ZNF536: variants seen among roughly 807,000 people sequenced by gnomAD.
The protein encoded by ZNF536 is zinc finger protein 536.
Under a neutral mutation model 84.5 loss-of-function variants are expected in ZNF536, and 13 were observed. The ratio of observed to expected loss-of-function variants is 0.15; its 90% CI spans 0.10 to 0.24. ZNF536 has a LOEUF of 0.24. Among genes scored for constraint, ZNF536 ranks in the 10% least tolerant of loss-of-function variants. The pLI, the probability that ZNF536 is intolerant of heterozygous loss-of-function variation, is 1.00. For missense variants in ZNF536, 1,536 were observed against 1,747.5 expected, an observed-to-expected ratio of 0.88 and a Z score of 2.16; for synonymous variants, 811 against 742.5, an observed-to-expected ratio of 1.09 and a Z score of -1.50.
chr19:30,466,767 A>G lies in ZNF536; in HGVS notation c.2170+21035A>G, dbSNP rs377126272. On this transcript the variant is annotated intron_variant, in intron 2 of 4. Coordinates refer to ENST00000355537, the MANE Select transcript of ZNF536 (RefSeq NM_014717.3). ...AAGGAAGAAAGGAGGGAAGGAAGGAAGGAAGGAAGGAAGGAAGGAAGGAAG... is the reference window on the plus strand; with the variant it reads ...AAGGAAGAAAGGAGGGAAGGAAGGAGGGAAGGAAGGAAGGAAGGAAGGAAG... 4.7e-3 allele frequency among the ~76,000 whole-genome samples: 461 copies of G among 97,242 alleles called. 11 individuals carry two copies. The highest frequency in any genetic ancestry group is 0.021 in the African/African-American group (443 of 20,768). 63.8% of individuals were successfully genotyped at this position (97,242 alleles called of 152,430 possible). A position where few individuals can be genotyped will look rare whatever the true frequency, so the allele number is the denominator to read the frequency against.
At chr19:30,323,688 T>C (rs1159146093) in intron 2 of ZNF536, among the ~76,000 whole-genome samples, 4 of 152,206 alleles carry the variant, frequency 2.6e-5, no homozygotes, top group South Asian at 2.1e-4. Context: ...CCATCCTCCT[T>C]CTCATGGTTG....
intron 1 of ZNF536, among the ~76,000 whole-genome samples, chr19:30,661,636 A>C (rs950493441): frequency 2.6e-5 from 4 of 152,224 alleles, no homozygotes; most frequent in Non-Finnish European, 4.4e-5. Context: ...TAAGGATATT[A>C]ATCAACACAT....
intron 2 of ZNF536, among the ~76,000 whole-genome samples, chr19:30,507,612 G>C (rs78218171): frequency 0.019 from 2,931 of 151,956 alleles, 73 homozygotes; most frequent in African/African-American, 0.064. Context: ...AGAGAAAAAG[G>C]GTTCCAAAAA....
intron 1 of ZNF536, among the ~76,000 whole-genome samples, chr19:30,675,440 G>A (rs1289891985): frequency 2.0e-5 from 3 of 152,198 alleles, no homozygotes; most frequent in Non-Finnish European, 4.4e-5. Flanking sequence ...CTCTTCTCCT[G>A]TGGACCTCGG....
intron 1 of ZNF536, among the ~76,000 whole-genome samples, chr19:30,590,854 G>A (rs1292594283): frequency 1.3e-5 from 2 of 152,250 alleles, no homozygotes; most frequent in African/African-American, 4.8e-5. Flanking sequence ...ATGTCCAGCT[G>A]TTGAAGGGAA....
At chr19:30,596,242 A>G (rs1397500205) in intron 1 of ZNF536, among the ~76,000 whole-genome samples, 2 of 152,230 alleles carry the variant, frequency 1.3e-5, no homozygotes, top group African/African-American at 4.8e-5. Flanking sequence ...AGGAGAAAAA[A>G]AAATACAGAG....
At chr19:30,282,109 G>T (rs948099389) in intron 1 of ZNF536, among the ~76,000 whole-genome samples, 1 of 152,144 alleles carries the variant, frequency 6.6e-6, no homozygotes, top group African/African-American at 2.4e-5. Context: ...ACCTTTCCCC[G>T]ACCCGCAGTG....
chr19:30,503,325 T>C (rs2055026139), intron 2 of ZNF536, among the ~76,000 whole-genome samples: 1 of 151,828 alleles, frequency 6.6e-6, no homozygotes, highest in African/African-American at 2.4e-5. Context: ...AATCCTCCAA[T>C]AGAAAAATGG....
chr19:30,306,994 T>TTA (rs760849861), intron 2 of ZNF536, among the ~76,000 whole-genome samples: 249 of 151,732 alleles, frequency 1.6e-3, no homozygotes, highest in Admixed American at 1.9e-3. Context: ...AATTATATTT[T>TTA]TATATATATA....
intron 1 of ZNF536, among the ~76,000 whole-genome samples, chr19:30,375,398 G>A (rs538194461): frequency 6.6e-6 from 1 of 152,192 alleles, no homozygotes; most frequent in East Asian, 1.9e-4. Flanking sequence ...GGCTGGGTGC[G>A]CGGGGGCTCC....
At chr19:30,249,631 C>T (rs1377141278) in intron 1 of ZNF536, among the ~76,000 whole-genome samples, 5 of 152,150 alleles carry the variant, frequency 3.3e-5, no homozygotes, top group Non-Finnish European at 5.9e-5. Flanking sequence ...GGTGATGGAG[C>T]GAGACCCTGT....
intron 2 of ZNF536, among the ~76,000 whole-genome samples, chr19:30,321,451 A>G (rs1274921312): frequency 6.6e-6 from 1 of 152,112 alleles, no homozygotes; most frequent in Non-Finnish European, 1.5e-5. Context: ...CCAGCTACTC[A>G]GGGGACTGAG....
chr19:30,459,318 TTTTC>T (rs993168582), intron 2 of ZNF536, among the ~76,000 whole-genome samples: 56 of 151,156 alleles, frequency 3.7e-4, no homozygotes, highest in Middle Eastern at 3.4e-3. Context: ...TTTCCTTTCC[TTTTC>T]TTTCTTTCTT....
intron 1 of ZNF536, among the ~76,000 whole-genome samples, chr19:30,640,536 C>A (rs2049230734): frequency 6.6e-6 from 1 of 152,140 alleles, no homozygotes; most frequent in Non-Finnish European, 1.5e-5. Flanking sequence ...TAAGGACTGG[C>A]AAATTGAGGT....
intron 1 of ZNF536, among the ~76,000 whole-genome samples, chr19:30,708,543 G>T (rs1319775708): frequency 6.6e-6 from 1 of 152,182 alleles, no homozygotes; most frequent in Non-Finnish European, 1.5e-5. Flanking sequence ...GGACAGGCTG[G>T]CGGTGGGAAA....
At chr19:30,650,942 C>G (rs2049678402) in intron 1 of ZNF536, among the ~76,000 whole-genome samples, 1 of 152,220 alleles carries the variant, frequency 6.6e-6, no homozygotes, top group Non-Finnish European at 1.5e-5. Context: ...GAGAATATTT[C>G]AAGACAATAT....
chr19:30,700,483 G>A (rs771702701), intron 1 of ZNF536, among the ~76,000 whole-genome samples: 5 of 151,928 alleles, frequency 3.3e-5, no homozygotes, highest in Non-Finnish European at 5.9e-5. Flanking sequence ...CAACTCTTGG[G>A]CTCAAGTGAC....
chr19:30,235,392 T>C (rs2023414461), intron 1 of ZNF536, among the ~76,000 whole-genome samples: 1 of 152,192 alleles, frequency 6.6e-6, no homozygotes, highest in Non-Finnish European at 1.5e-5. Flanking sequence ...TTAACCCGCC[T>C]TGAAAAGGAA....
intron 2 of ZNF536, among the ~76,000 whole-genome samples, chr19:30,488,297 G>T (rs926729596): frequency 4.6e-5 from 7 of 152,028 alleles, no homozygotes; most frequent in African/African-American, 1.4e-4. Context: ...AATGTCAGTG[G>T]CCCTCTAAGG....
Sources: gnomAD v4.1 joint callset for allele counts (sites outside exome capture counted in the v4.1 genomes callset) on GRCh38, gnomAD v4.1.1 for gene constraint, MANE v1.5 for transcripts, NCBI Gene and HGNC (gene_info 2026-07-23, HGNC 2026-07-21) for gene names.